PLCL1: variants seen among roughly 807,000 people sequenced by gnomAD.
PLCL1 encodes the protein phospholipase C like 1 (inactive).
Under a neutral mutation model 84.4 loss-of-function variants are expected in PLCL1, and 41 were observed. The observed-to-expected ratio is 0.49, with a 90% confidence interval of 0.38 to 0.63. The LOEUF is 0.63. Among genes scored for constraint, PLCL1 ranks in the 30% least tolerant of loss-of-function variants. PLCL1 has a pLI of 0.00. For synonymous variants in PLCL1, 490 were observed against 488.3 expected (o/e 1.00, Z -0.05); for missense variants, 1,206 against 1,367.8 (o/e 0.88, Z 1.87).
chr2:197,944,042 T>A (rs1387421049), intron 1 of PLCL1, among the ~76,000 whole-genome samples: 2 of 152,208 alleles, frequency 1.3e-5, no homozygotes, highest in Non-Finnish European at 2.9e-5. Context: ...TCCTTTGTTT[T>A]GGAGGAGTAT....
At chr2:197,811,689 G>A (rs1239256748) in intron 1 of PLCL1, among the ~76,000 whole-genome samples, 1 of 152,160 alleles carries the variant, frequency 6.6e-6, no homozygotes, top group Non-Finnish European at 1.5e-5. Context: ...AGGTTATTGT[G>A]TTTTTCCTTA....
chr2:197,827,632 G>T (rs1222940200), intron 1 of PLCL1, among the ~76,000 whole-genome samples: 1 of 151,982 alleles, frequency 6.6e-6, no homozygotes, highest in African/African-American at 2.4e-5. Context: ...CGTATTTTTG[G>T]GTTGGTTTTG....
intron 1 of PLCL1, among the ~76,000 whole-genome samples, chr2:197,961,449 C>T (rs1490839057): frequency 6.6e-6 from 1 of 151,866 alleles, no homozygotes; most frequent in Non-Finnish European, 1.5e-5. Flanking sequence ...AGATTTATAG[C>T]TTTTTTATTT....
chr2:198,115,669 G>A (rs114402874), intron 5 of PLCL1, among the ~76,000 whole-genome samples: 1,641 of 151,962 alleles, frequency 0.011, 26 homozygotes, highest in African/African-American at 0.037. Context: ...AATCATGGCA[G>A]AAGACGGAAG....
intron 1 of PLCL1, among the ~76,000 whole-genome samples, chr2:197,984,699 A>G (rs894108845): frequency 6.6e-6 from 1 of 152,240 alleles, no homozygotes; most frequent in Non-Finnish European, 1.5e-5. Flanking sequence ...GATGTTGTTT[A>G]TAACAAGAGA....
At chr2:197,885,846 C>T (rs767453648) in intron 1 of PLCL1, among the ~76,000 whole-genome samples, 12 of 152,188 alleles carry the variant, frequency 7.9e-5, no homozygotes, top group Non-Finnish European at 1.6e-4. Context: ...AAGACATATT[C>T]TCCTGCATCA....
intron 1 of PLCL1, among the ~76,000 whole-genome samples, chr2:197,997,915 T>C (rs1690504918): frequency 6.6e-6 from 1 of 152,164 alleles, no homozygotes; most frequent in Non-Finnish European, 1.5e-5. Flanking sequence ...ACACTTTAGA[T>C]TGAGGATTAT....
chr2:197,916,276 G>A lies in PLCL1; in HGVS notation c.240+110937G>A, dbSNP rs192160720. Among the ~76,000 whole-genome samples, 4 of 152,268 alleles carry A rather than the reference G, an allele frequency of 2.6e-5. No homozygotes were observed. The East Asian group carries it at 7.7e-4, about 29-fold the overall frequency. On this transcript the variant is annotated intron_variant, in intron 1 of 5. Coordinates refer to ENST00000428675, the MANE Select transcript of PLCL1 (RefSeq NM_006226.4). ...TAAGCACTGGGAAAGAATATAAGTTGTTTTTAGCTTTTTATCTTTCTAGTT... is the reference window on the plus strand; with the variant it reads ...TAAGCACTGGGAAAGAATATAAGTTATTTTTAGCTTTTTATCTTTCTAGTT...
chr2:197,978,242 C>T (rs1177324548), intron 1 of PLCL1, among the ~76,000 whole-genome samples: 3 of 151,966 alleles, frequency 2.0e-5, no homozygotes, highest in East Asian at 1.9e-4. Flanking sequence ...TTTGGGAGGC[C>T]GAGGCGGGCA....
intron 5 of PLCL1, among the ~76,000 whole-genome samples, 177 bp from the exon 6 acceptor site, chr2:198,146,603 C>A (rs1182553768): frequency 6.6e-6 from 1 of 152,156 alleles, no homozygotes; most frequent in African/African-American, 2.4e-5. Context: ...GCTTAACAAG[C>A]AAAGTCACTT....
chr2:198,027,096 G>A (rs1220451343), intron 1 of PLCL1, among the ~76,000 whole-genome samples: 2 of 152,152 alleles, frequency 1.3e-5, no homozygotes, highest in African/African-American at 4.8e-5. Context: ...CAATTGGCAA[G>A]ATATCAACCT....
At chr2:197,987,316 A>G (rs539873819) in intron 1 of PLCL1, among the ~76,000 whole-genome samples, 1 of 152,340 alleles carries the variant, frequency 6.6e-6, no homozygotes, top group South Asian at 2.1e-4. Flanking sequence ...TATCACAAAT[A>G]AGTCCAGATT....
chr2:198,119,733 C>T (rs1219484383), intron 5 of PLCL1, among the ~76,000 whole-genome samples: 1 of 151,964 alleles, frequency 6.6e-6, no homozygotes. Flanking sequence ...ATGCTCACCA[C>T]CCTGACTCAC....
chr2:197,907,936 G>T (rs1463416951), intron 1 of PLCL1, among the ~76,000 whole-genome samples: 1 of 152,114 alleles, frequency 6.6e-6, no homozygotes, highest in Non-Finnish European at 1.5e-5. Context: ...TGATTCTAAT[G>T]AGCAGCTAAG....
intron 1 of PLCL1, among the ~76,000 whole-genome samples, chr2:198,081,960 T>C (rs1393252863): frequency 6.6e-6 from 1 of 152,222 alleles, no homozygotes; most frequent in Non-Finnish European, 1.5e-5. Flanking sequence ...TATGTGGTTG[T>C]TTGAAAAATA....
intron 1 of PLCL1, among the ~76,000 whole-genome samples, chr2:198,061,411 G>A (rs1692196270): frequency 2.6e-5 from 4 of 152,014 alleles, no homozygotes; most frequent in Non-Finnish European, 4.4e-5. Context: ...TTAACCGTTC[G>A]AATCCTCTTT....
rs548555666 is a variant in PLCL1 at position 198,017,513 on chromosome 2, C to CA, written c.241-66238dup. 3.9e-5 allele frequency among the ~76,000 whole-genome samples: 6 copies of CA among 152,190 alleles called. No individual in the cohort carries two copies. In the South Asian group the frequency reaches 1.2e-3, roughly 32 times the overall value. On this transcript the variant is annotated intron_variant, in intron 1 of 5. Coordinates refer to ENST00000428675, the MANE Select transcript of PLCL1 (RefSeq NM_006226.4). ...AGTACTTATGTAAAGAATGAAAGGA[C>CA]AAAAAAATTGTTCTCTTTGTATGTC...
chr2:198,028,128 G>C (rs1235023368), intron 1 of PLCL1, among the ~76,000 whole-genome samples: 1 of 152,134 alleles, frequency 6.6e-6, no homozygotes, highest in African/African-American at 2.4e-5. Flanking sequence ...GGCATGAGCT[G>C]CCATGTGCGG....
At chr2:197,813,209 G>T (rs942007564) in intron 1 of PLCL1, among the ~76,000 whole-genome samples, 2 of 152,172 alleles carry the variant, frequency 1.3e-5, no homozygotes, top group African/African-American at 4.8e-5. Context: ...AGCCCTGATT[G>T]TTGGGTTGGG....
Sources: allele counts gnomAD v4.1 joint callset (sites outside exome capture counted in the v4.1 genomes callset), GRCh38; gene constraint gnomAD v4.1.1; transcripts MANE v1.5; gene names NCBI Gene and HGNC (gene_info 2026-07-23, HGNC 2026-07-21).